TRABD2B: variants seen among roughly 807,000 people sequenced by gnomAD.
TRABD2B encodes the protein metalloprotease TIKI2.
TRABD2B carries 14 observed loss-of-function variants against 40.1 expected under a neutral mutation model. The observed-to-expected ratio is 0.35, with a 90% confidence interval of 0.23 to 0.55. The LOEUF (loss-of-function observed/expected upper bound fraction) is 0.55, where lower values mean the gene tolerates loss of function less well. TRABD2B is among the 20% of genes least tolerant of loss of function. The probability of loss-of-function intolerance (pLI) is 0.90; values close to 1 mark genes in which losing one functional copy is unlikely to be tolerated. For synonymous variants in TRABD2B, 263 were observed against 277.0 expected (o/e 0.95, Z 0.50); for missense variants, 541 against 648.6 (o/e 0.83, Z 1.80).
At chr1:47,891,016 G>A (rs564907790) in intron 2 of TRABD2B, among the ~76,000 whole-genome samples, 7 of 137,652 alleles carry the variant, frequency 5.1e-5, no homozygotes, top group Admixed American at 2.2e-4. Context: ...GTTACCCAAG[G>A]AGAGACATAG....
At chr1:47,866,154 C>T (rs116376916) in intron 2 of TRABD2B, among the ~76,000 whole-genome samples, 277 of 151,910 alleles carry the variant, frequency 1.8e-3, no homozygotes, top group African/African-American at 6.1e-3. Flanking sequence ...TGGCAACCCC[C>T]AGTCTGGAAG....
chr1:47,793,834 G>T (rs1490163296), intron 4 of TRABD2B, among the ~76,000 whole-genome samples: 2 of 152,154 alleles, frequency 1.3e-5, no homozygotes, highest in African/African-American at 4.8e-5. Context: ...CAAAGGAACA[G>T]GGAGAGAAAT....
chr1:47,848,741 C>T (rs1645506375), intron 2 of TRABD2B, among the ~76,000 whole-genome samples: 1 of 152,182 alleles, frequency 6.6e-6, no homozygotes. Context: ...AACACAATTT[C>T]CTAGCTGCCT....
chr1:47,832,093 G>T (rs1378078208), intron 2 of TRABD2B, among the ~76,000 whole-genome samples: 1 of 152,322 alleles, frequency 6.6e-6, no homozygotes, highest in East Asian at 1.9e-4. Flanking sequence ...AGCACTTTGG[G>T]AGGCCAAGGC....
intron 4 of TRABD2B, among the ~76,000 whole-genome samples, chr1:47,794,231 G>A (rs774952673): frequency 6.6e-6 from 1 of 152,218 alleles, no homozygotes; most frequent in Non-Finnish European, 1.5e-5. Flanking sequence ...GGCCACATGT[G>A]CTTCACAGCC....
chr1:47,981,696 A>T (rs1645843084), intron 2 of TRABD2B, among the ~76,000 whole-genome samples: 2 of 152,326 alleles, frequency 1.3e-5, no homozygotes, highest in South Asian at 2.1e-4. Context: ...TGAACAAATA[A>T]ATGAATGAAC....
rs1489565840 is a variant in TRABD2B at position 47,773,682 on chromosome 1, A to G, written c.1349+1488T>C. On this transcript the variant is annotated intron_variant, in intron 6 of 6. Coordinates refer to ENST00000606738, the MANE Select transcript of TRABD2B (RefSeq NM_001194986.2). ...TTGTGAGGCTTCCTCAGCCATGTGG[A>G]ACTGTGAGTCAATGAAACCTCTTTT... Among the ~76,000 whole-genome samples, 4 of 152,178 alleles carry G rather than the reference A, an allele frequency of 2.6e-5. No individual in the cohort carries two copies. The East Asian group carries it at 7.7e-4, about 29-fold the overall frequency.
chr1:47,781,867 T>A (rs1417263530), intron 4 of TRABD2B, among the ~76,000 whole-genome samples: 1 of 152,194 alleles, frequency 6.6e-6, no homozygotes, highest in Admixed American at 6.5e-5. Flanking sequence ...CACAGCTGGG[T>A]TGGCAACACT....
chr1:47,993,026 C>T (rs190823416), intron 2 of TRABD2B, among the ~76,000 whole-genome samples: 1 of 152,382 alleles, frequency 6.6e-6, no homozygotes, highest in African/African-American at 2.4e-5. Flanking sequence ...CTTGCAACAT[C>T]TCCGGAGGAG....
chr1:47,886,851 C>T (rs1319531040), intron 2 of TRABD2B, among the ~76,000 whole-genome samples: 1 of 152,148 alleles, frequency 6.6e-6, no homozygotes, highest in African/African-American at 2.4e-5. Flanking sequence ...TGGTCCGGGG[C>T]CATTTCATCT....
chr1:47,993,768 G>T (rs1227441194), intron 2 of TRABD2B, among the ~76,000 whole-genome samples: 1 of 152,226 alleles, frequency 6.6e-6, no homozygotes, highest in Admixed American at 6.5e-5. Context: ...AGCACAGCAG[G>T]TGAGGAGTGT....
intron 2 of TRABD2B, among the ~76,000 whole-genome samples, chr1:47,860,153 T>A (rs911906571): frequency 5.3e-5 from 8 of 152,202 alleles, no homozygotes; most frequent in Admixed American, 6.5e-5. Context: ...AAATGCTGGT[T>A]GATCTAAACC....
chr1:47,775,476 G>A (rs1043353255), intron 5 of TRABD2B, 37 bp from the exon 6 acceptor site: 7 of 1,233,386 alleles, frequency 5.7e-6, no homozygotes, highest in Non-Finnish European at 5.1e-6. Flanking sequence ...CACATGTGTT[G>A]GAGAATGTCA....
chr1:47,920,187 G>A (rs565531142), intron 2 of TRABD2B, among the ~76,000 whole-genome samples: 1 of 152,258 alleles, frequency 6.6e-6, no homozygotes, highest in African/African-American at 2.4e-5. Context: ...AGTACTCAGT[G>A]GCTCTGTGAA....
chr1:47,772,411 C>T (rs896861685), intron 6 of TRABD2B, among the ~76,000 whole-genome samples: 3 of 151,724 alleles, frequency 2.0e-5, no homozygotes, highest in Non-Finnish European at 4.4e-5. Context: ...CAGCAGACCT[C>T]GAGGAAGCAG....
At chr1:47,774,600 C>G (rs534975184) in intron 6 of TRABD2B, among the ~76,000 whole-genome samples, 7 of 152,144 alleles carry the variant, frequency 4.6e-5, no homozygotes, top group Non-Finnish European at 7.4e-5. Flanking sequence ...GAAGGGTCTC[C>G]GTGCATTAGG....
Position 47,939,410 on chromosome 1 carries a change from T to C in TRABD2B, c.666+54624A>G, listed in dbSNP as rs892177608. 5.9e-5 allele frequency among the ~76,000 whole-genome samples: 9 copies of C among 152,160 alleles called. No individual in the cohort carries two copies. In the South Asian group the frequency reaches 1.0e-3, roughly 18 times the overall value. On this transcript the variant is annotated intron_variant, in intron 2 of 6. Coordinates refer to ENST00000606738, the MANE Select transcript of TRABD2B (RefSeq NM_001194986.2). ...TAAATGATAAGAAGATTTTAAATGA[T>C]AGTAGTAGTAATACTAAGAATAAAA...
intron 2 of TRABD2B, among the ~76,000 whole-genome samples, chr1:47,904,395 T>C (rs1314531822): frequency 6.6e-6 from 1 of 151,908 alleles, no homozygotes; most frequent in Non-Finnish European, 1.5e-5. Context: ...GACATTTATA[T>C]GATGGTTCCT....
chr1:47,918,292 T>C (rs901397802), intron 2 of TRABD2B, among the ~76,000 whole-genome samples: 1 of 152,212 alleles, frequency 6.6e-6, no homozygotes, highest in African/African-American at 2.4e-5. Context: ...GCAACTGTGC[T>C]ACAACTGTGT....
Sources: gnomAD v4.1 joint callset for allele counts (sites outside exome capture counted in the v4.1 genomes callset) on GRCh38, gnomAD v4.1.1 for gene constraint, MANE v1.5 for transcripts, NCBI Gene and HGNC (gene_info 2026-07-23, HGNC 2026-07-21) for gene names.